Variants in CNTFR observed in about 807,000 individuals in gnomAD.
CNTFR encodes ciliary neurotrophic factor receptor, also known as ciliary neurotrophic factor receptor subunit alpha.
CNTFR carries 12 observed loss-of-function variants against 40.4 expected under a neutral mutation model. The observed-to-expected ratio is 0.30, with a 90% confidence interval of 0.19 to 0.48. The LOEUF (loss-of-function observed/expected upper bound fraction) is 0.48, where lower values mean the gene tolerates loss of function less well. Among genes scored for constraint, CNTFR ranks in the 20% least tolerant of loss-of-function variants. CNTFR has a pLI of 0.99. For missense variants in CNTFR, 414 were observed against 506.8 expected (o/e 0.82, Z 1.76); for synonymous variants, 202 against 209.6 (o/e 0.96, Z 0.31).
chr9:34,584,629 A>G (rs536872557), intron 1 of CNTFR, among the ~76,000 whole-genome samples: 7 of 152,322 alleles, frequency 4.6e-5, no homozygotes, highest in South Asian at 2.1e-4. Flanking sequence ...CCATTCCTTC[A>G]GCTAGAGGGT....
chr9:34,575,644 C>T (rs1405785656), intron 2 of CNTFR, among the ~76,000 whole-genome samples: 1 of 151,870 alleles, frequency 6.6e-6, no homozygotes, highest in Non-Finnish European at 1.5e-5. Flanking sequence ...TACACAGAGG[C>T]CCATGCAAGC....
At position 34,552,438 on chromosome 9, in the gene CNTFR, C is replaced by G; in HGVS notation, c.950-109G>C. 8.1e-7 allele frequency: 1 copy of G among 1,236,242 alleles called. No homozygotes were observed. The highest frequency in any genetic ancestry group is 1.5e-5 in the African/African-American group (1 of 66,290). The allele number at this position is 1,236,242 out of a possible 1,614,324, so 76.6% of individuals were successfully genotyped here. On this transcript the variant is annotated intron_variant, in intron 8 of 9. Transcript: ENST00000378980. The surrounding 1 kb of genome is among the most constrained non-coding windows in gnomAD (Gnocchi z 5.1). ...TTCCTGCATCAGACTGGTACTGCCT[C>G]CCCCATCAGGCAGATCCTGTTTCCC...
chr9:34,585,882 C>T (rs1244641582), intron 1 of CNTFR, among the ~76,000 whole-genome samples: 1 of 152,222 alleles, frequency 6.6e-6, no homozygotes, highest in African/African-American at 2.4e-5. Context: ...ATCTGCATTT[C>T]AAAGAAAATC....
At chr9:34,573,151 T>G (rs1331744746) in intron 2 of CNTFR, among the ~76,000 whole-genome samples, 1 of 151,250 alleles carries the variant, frequency 6.6e-6, no homozygotes, top group Non-Finnish European at 1.5e-5. Flanking sequence ...TGTTCCGGGT[T>G]GCCCTGTACC....
At chr9:34,586,975 C>T (rs561975178) in intron 1 of CNTFR, among the ~76,000 whole-genome samples, 1 of 152,198 alleles carries the variant, frequency 6.6e-6, no homozygotes, top group Non-Finnish European at 1.5e-5. Flanking sequence ...ATTGTGAATG[C>T]CACAATCTTA....
intron 4 of CNTFR, among the ~76,000 whole-genome samples, chr9:34,558,429 G>T (rs1825938165): frequency 6.6e-6 from 1 of 152,212 alleles, no homozygotes; most frequent in Non-Finnish European, 1.5e-5. Flanking sequence ...CTAGAGAAGA[G>T]ACACCCCAGA....
At chr9:34,564,182 A>G (rs906071489) in intron 4 of CNTFR, among the ~76,000 whole-genome samples, 2 of 152,178 alleles carry the variant, frequency 1.3e-5, no homozygotes, top group Non-Finnish European at 2.9e-5. Context: ...CTGTACCTGC[A>G]TAACCACATA....
intron 3 of CNTFR, among the ~76,000 whole-genome samples, chr9:34,566,736 G>A (rs10758267): frequency 0.48 from 73,423 of 151,910 alleles, 18,102 homozygotes; most frequent in African/African-American, 0.59. Flanking sequence ...CAACGCTAAC[G>A]TGGACCCAGT....
intron 3 of CNTFR, among the ~76,000 whole-genome samples, chr9:34,566,387 G>C (rs574094160): frequency 6.6e-6 from 1 of 152,324 alleles, no homozygotes; most frequent in African/African-American, 2.4e-5. Context: ...AACAGACGAT[G>C]AACGGGCGGA....
chr9:34,587,715 A>G (rs1827602890), intron 1 of CNTFR, among the ~76,000 whole-genome samples: 1 of 152,110 alleles, frequency 6.6e-6, no homozygotes, highest in South Asian at 2.1e-4. Context: ...GGAGTCCCAG[A>G]ATATAAGTGT....
At chr9:34,590,409 A>G (rs1827728358), upstream of CNTFR, among the ~76,000 whole-genome samples, 1 of 148,508 alleles carries the variant, frequency 6.7e-6, no homozygotes, top group Admixed American at 6.7e-5. Flanking sequence ...AGAACCCCCA[A>G]CCCCCACTTT....
At chr9:34,579,606 G>C (rs1827186637) in intron 2 of CNTFR, among the ~76,000 whole-genome samples, 3 of 151,988 alleles carry the variant, frequency 2.0e-5, no homozygotes, top group Admixed American at 2.0e-4. Context: ...GAGAGAGAGA[G>C]GGTGATGGGA....
rs766115164 is a variant in CNTFR, at chr9:34,557,658, G to A, written c.472C>T (p.Pro158Ser). 1 of 1,614,076 alleles carries A rather than the reference G, an allele frequency of 6.2e-7. No individual in the cohort carries two copies. Among genetic ancestry groups the A allele is most frequent in the Admixed American group, 1.7e-5 (1 of 60,012 alleles). ...GSKIMVCEKD[P>S]ALKNRCHIRY... ...ATGTGGCAGCGGTTCTTGAGGGCTG[G>A]GTCCTTCTCACAGACCATAATTTTG... The change falls in exon 6 of 10, where the codon CCA (proline) becomes TCA (serine). Residue 158 changes from proline (P) to serine (S), a missense_variant. Coordinates refer to ENST00000378980, the MANE Select transcript of CNTFR (RefSeq NM_147164.3). The surrounding 1 kb of genome is among the most constrained non-coding windows in gnomAD (Gnocchi z 4.2).
At chr9:34,558,446 TC>T (rs1464645350) in intron 4 of CNTFR, among the ~76,000 whole-genome samples, 6 of 152,156 alleles carry the variant, frequency 3.9e-5, no homozygotes, top group Non-Finnish European at 5.9e-5. Context: ...CAGACTTCCC[TC>T]AGTAGAGACA....
chr9:34,562,236 TC>T (rs1310411489), intron 4 of CNTFR, among the ~76,000 whole-genome samples: 2 of 152,184 alleles, frequency 1.3e-5, no homozygotes, highest in Non-Finnish European at 2.9e-5. Flanking sequence ...ATGGCCCTTT[TC>T]CCTCTGAAAG....
At chr9:34,566,765 G>A (rs1436314443) in intron 3 of CNTFR, among the ~76,000 whole-genome samples, 1 of 152,104 alleles carries the variant, frequency 6.6e-6, no homozygotes, top group African/African-American at 2.4e-5. Flanking sequence ...TAATCCTGGG[G>A]AGCAGGTACG....
At chr9:34,558,142 C>T (rs1825925329) in intron 4 of CNTFR, among the ~76,000 whole-genome samples, 158 bp from the exon 5 acceptor site, 1 of 152,126 alleles carries the variant, frequency 6.6e-6, no homozygotes, top group Admixed American at 6.5e-5. Context: ...TCTGAGGCTT[C>T]CCAGGCCACA....
chr9:34,552,988 GAGA>G lies in CNTFR; in HGVS notation c.769-137_769-135del, dbSNP rs1228384507. 2.5e-5 allele frequency: 19 copies of G among 756,424 alleles called. No individual in the cohort carries two copies. Among genetic ancestry groups the G allele is most frequent in the Middle Eastern group, 3.1e-4 (1 of 3,206 alleles). 46.9% of individuals were successfully genotyped at this position (756,424 alleles called of 1,614,324 possible). On this transcript the variant is annotated intron_variant, in intron 7 of 9. Transcript: ENST00000378980. The surrounding 1 kb of genome is among the most constrained non-coding windows in gnomAD (Gnocchi z 5.1). The stretch of plus-strand genomic sequence containing the variant: ...TGGGGGCAGTGAGGACTTCCCTGAG[GAGA>G]AGGAGGACATGGAGAATATTCTTGC...
rs939330795 is a variant in CNTFR, at chr9:34,556,396, A to G, written c.627T>C (p.Asn209=). 23 of 1,611,646 alleles carry G rather than the reference A, an allele frequency of 1.4e-5. No homozygotes were observed. Among genetic ancestry groups the G allele is most frequent in the Non-Finnish European group, 1.8e-5 (21 of 1,178,616 alleles). ...TGCTGGGCACTGGCCGGGCTACCAC[A>G]TTTTCTGGAGGATCAGGCTTCACTG... ...FTIVKPDPPE[N]VVARPVPSNP... is the part of the protein sequence containing the mutation. Residue 209 remains asparagine (N), a synonymous_variant, in exon 7 of 10, where the codon AAT becomes AAC. Transcript: ENST00000378980.
Sources: gnomAD v4.1 joint callset for allele counts (sites outside exome capture counted in the v4.1 genomes callset) on GRCh38, gnomAD v4.1.1 for gene constraint, Gnocchi (gnomAD v3.1) non-coding constraint, MANE v1.5 for transcripts, NCBI Gene and HGNC (gene_info 2026-07-23, HGNC 2026-07-21) for gene names.